RPS6KA2: variants seen among roughly 807,000 people sequenced by gnomAD.
RPS6KA2 encodes the protein ribosomal protein S6 kinase A2.
In RPS6KA2, 42 loss-of-function variants were observed where a neutral mutation model predicts 91.8. That is an observed-to-expected ratio of 0.46 (90% CI 0.36 to 0.59). The LOEUF (loss-of-function observed/expected upper bound fraction) is 0.59. Among genes scored for constraint, RPS6KA2 ranks in the 20% least tolerant of loss-of-function variants. RPS6KA2 has a pLI of 0.00. For synonymous variants in RPS6KA2, 414 were observed against 393.6 expected, an observed-to-expected ratio of 1.05 and a Z score of -0.61; for missense variants, 798 against 978.5, an observed-to-expected ratio of 0.82 and a Z score of 2.46.
chr6:166,855,315 T>C (rs969411093), intron 2 of RPS6KA2, among the ~76,000 whole-genome samples: 13 of 150,598 alleles, frequency 8.6e-5, no homozygotes, highest in African/African-American at 3.2e-4. Context: ...GCATTTATAC[T>C]CCCTAAATCT....
At chr6:166,810,933 A>T (rs1779623499) in intron 2 of RPS6KA2, among the ~76,000 whole-genome samples, 1 of 152,232 alleles carries the variant, frequency 6.6e-6, no homozygotes, top group Non-Finnish European at 1.5e-5. Flanking sequence ...ACAACTTCAT[A>T]CAACTCCAGG....
chr6:166,574,939 G>A (rs1784795715), intron 1 of RPS6KA2, among the ~76,000 whole-genome samples: 1 of 152,104 alleles, frequency 6.6e-6, no homozygotes, highest in Admixed American at 6.5e-5. Flanking sequence ...GAGCTACCAA[G>A]GATCTACTTT....
At chr6:166,512,678 G>C (rs1272626709) in intron 3 of RPS6KA2, among the ~76,000 whole-genome samples, 1 of 152,156 alleles carries the variant, frequency 6.6e-6, no homozygotes, top group Non-Finnish European at 1.5e-5. Context: ...CTGCAACCCA[G>C]CTCACTGTCA....
At chr6:166,513,766 A>G (rs547876260) in intron 3 of RPS6KA2, among the ~76,000 whole-genome samples, 1 of 152,358 alleles carries the variant, frequency 6.6e-6, no homozygotes, top group Non-Finnish European at 1.5e-5. Context: ...CCCAGTCGTT[A>G]AAGTGGAGCA....
intron 19 of RPS6KA2, among the ~76,000 whole-genome samples, chr6:166,416,199 A>AGT (rs1562478704): frequency 6.7e-6 from 1 of 150,126 alleles, no homozygotes; most frequent in African/African-American, 2.5e-5. Flanking sequence ...TTTCTCCATC[A>AGT]ACCCTACCAT....
chr6:166,546,433 C>T (rs1031950205), intron 1 of RPS6KA2, among the ~76,000 whole-genome samples: 1 of 151,912 alleles, frequency 6.6e-6, no homozygotes, highest in African/African-American at 2.4e-5. Context: ...GCCTGGTGTG[C>T]ACCCAATGGG....
intron 2 of RPS6KA2, among the ~76,000 whole-genome samples, chr6:166,829,343 G>A (rs1411012209): frequency 6.6e-6 from 1 of 152,122 alleles, no homozygotes; most frequent in Non-Finnish European, 1.5e-5. Context: ...TGTAATCCCA[G>A]CACTTTAGGA....
intron 16 of RPS6KA2, among the ~76,000 whole-genome samples, chr6:166,425,843 A>C (rs1778897054): frequency 6.6e-6 from 1 of 152,202 alleles, no homozygotes; most frequent in African/African-American, 2.4e-5. Context: ...ACTCCCACAC[A>C]ATAATAATGG....
rs1778261081 is a variant in RPS6KA2 at position 166,410,297 on chromosome 6, T to G, written c.*2465A>C. The G allele has an allele frequency of 6.6e-6, 1 of 152,286 alleles. No individual in the cohort carries two copies. 9.4% of individuals were successfully genotyped at this position (152,286 alleles called of 1,614,324 possible). A position where few individuals can be genotyped will look rare whatever the true frequency, so the allele number is the denominator to read the frequency against. Reference sequence around the variant, plus strand: ...CATTCGTTGTGGAGGTGCGCTGAGCTGGCAAAATGCGAATTCTAAGAACAC... The same window carrying G: ...CATTCGTTGTGGAGGTGCGCTGAGCGGGCAAAATGCGAATTCTAAGAACAC... On this transcript the variant is annotated 3_prime_UTR_variant, in exon 21 of 21. Coordinates refer to ENST00000265678, the MANE Select transcript of RPS6KA2 (RefSeq NM_021135.6).
chr6:166,601,434 A>G (rs186596615), intron 1 of RPS6KA2, among the ~76,000 whole-genome samples: 1 of 152,374 alleles, frequency 6.6e-6, no homozygotes, highest in Non-Finnish European at 1.5e-5. Context: ...TGGAGCATAA[A>G]GAACCAAGAA....
intron 11 of RPS6KA2, among the ~76,000 whole-genome samples, chr6:166,461,504 G>C (rs1363776142): frequency 1.6e-5 from 2 of 122,840 alleles, no homozygotes; most frequent in Admixed American, 8.7e-5. Context: ...GAGGTGGAGA[G>C]AGAGAGAGAG....
intron 1 of RPS6KA2, among the ~76,000 whole-genome samples, chr6:166,549,451 T>C (rs1359863343): frequency 6.6e-6 from 1 of 151,554 alleles, no homozygotes; most frequent in African/African-American, 2.5e-5. Context: ...GTACATCACA[T>C]CATGGAATAC....
chr6:166,490,711 G>C lies in RPS6KA2; in HGVS notation c.778C>G (p.Gln260Glu). 1 of 1,612,906 alleles carries C rather than the reference G, an allele frequency of 6.2e-7. No homozygotes were observed. Among genetic ancestry groups the C allele is most frequent in the Non-Finnish European group, 8.5e-7 (1 of 1,179,456 alleles). Residue 260 changes from glutamine to glutamate, a missense_variant, in exon 9 of 21, where the codon CAG becomes GAG. By Grantham distance (29) the Gln-to-Glu change is conservative (BLOSUM62 2). Coordinates refer to ENST00000265678, the MANE Select transcript of RPS6KA2 (RefSeq NM_021135.6). The surrounding 1 kb of genome is among the most constrained non-coding windows in gnomAD (Gnocchi z 4.2). ...ATGGTCTCCTTCCTGTCCTTCCCCT[G>C]GAACGGCAGGGACCCCGTGAGCATC... Reference protein sequence around the residue: ...FEMLTGSLPFQGKDRKETMAL... With the variant: ...FEMLTGSLPFEGKDRKETMAL...
chr6:166,775,372 T>C (rs563283849), intron 2 of RPS6KA2, among the ~76,000 whole-genome samples: 1 of 151,542 alleles, frequency 6.6e-6, no homozygotes, highest in East Asian at 2.0e-4. Context: ...TACCACTAGA[T>C]GGCAGCAGAG....
intron 2 of RPS6KA2, among the ~76,000 whole-genome samples, chr6:166,810,698 T>C (rs1482822060): frequency 1.3e-5 from 2 of 152,194 alleles, no homozygotes; most frequent in Non-Finnish European, 2.9e-5. Flanking sequence ...AGCCTATATA[T>C]GGAAAACTTC....
chr6:166,436,206 A>G (rs1583131053), intron 14 of RPS6KA2, among the ~76,000 whole-genome samples: 1 of 152,072 alleles, frequency 6.6e-6, no homozygotes, highest in East Asian at 1.9e-4. Flanking sequence ...TACAGCCCTG[A>G]AATGCTGCTT....
chr6:166,681,436 T>TC (rs1438924790), intron 2 of RPS6KA2, among the ~76,000 whole-genome samples: 1 of 152,042 alleles, frequency 6.6e-6, no homozygotes, highest in African/African-American at 2.4e-5. Flanking sequence ...TGACATAAGG[T>TC]CCAAGTTTCT....
intron 2 of RPS6KA2, among the ~76,000 whole-genome samples, chr6:166,827,612 C>T (rs901332100): frequency 7.9e-5 from 12 of 152,162 alleles, no homozygotes; most frequent in Admixed American, 2.6e-4. Context: ...ATGGAGAACA[C>T]GGTTATTAAC....
At chr6:166,620,910 G>T (rs1004610054) in intron 1 of RPS6KA2, among the ~76,000 whole-genome samples, 6 of 152,208 alleles carry the variant, frequency 3.9e-5, no homozygotes, top group African/African-American at 1.4e-4. Flanking sequence ...GGGGCAGCCG[G>T]CAAGGTCAGG....
Sources: gnomAD v4.1 joint callset for allele counts (sites outside exome capture counted in the v4.1 genomes callset) on GRCh38, gnomAD v4.1.1 for gene constraint, Gnocchi (gnomAD v3.1) non-coding constraint, MANE v1.5 for transcripts, NCBI Gene and HGNC (gene_info 2026-07-23, HGNC 2026-07-21) for gene names.